The following PRDM6 variants were observed in gnomAD, a reference collection of about 807,000 sequenced individuals.
PRDM6 encodes the protein putative histone-lysine N-methyltransferase PRDM6.
Under a neutral mutation model 60.8 loss-of-function variants are expected in PRDM6, and 25 were observed. The ratio of observed to expected loss-of-function variants is 0.41; its 90% CI spans 0.30 to 0.57. The LOEUF is 0.57. Among genes scored for constraint, PRDM6 ranks in the 20% least tolerant of loss-of-function variants. PRDM6 has a pLI of 0.27. For missense variants in PRDM6, 839 were observed against 821.3 expected (o/e 1.02, Z -0.26); for synonymous variants, 407 against 357.4 (o/e 1.14, Z -1.57).
At chr5:123,094,031 A>G (rs1008456742) in intron 2 of PRDM6, among the ~76,000 whole-genome samples, 1 of 151,822 alleles carries the variant, frequency 6.6e-6, no homozygotes, top group Non-Finnish European at 1.5e-5. Context: ...GGCTGGAAAC[A>G]GCGCCGGTGT....
rs1237785538 is a variant in PRDM6 at position 123,099,752 on chromosome 5, G to T, written c.691G>T (p.Ala231Ser). ...RLVGTSSAAA[A>S]APPPELPEWL... ...TGTGGGCACCAGCAGCGCTGCGGCC[G>T]CCGCGCCCCCGCCGGAGCTGCCGGA... is the stretch of plus-strand genomic sequence containing the variant. Residue 231 changes from alanine (A) to serine (S), a missense_variant, in exon 3 of 8, where the codon GCC becomes TCC. Ala to Ser is a moderately conservative substitution (Grantham distance 99, BLOSUM62 1). Coordinates refer to ENST00000407847, the MANE Select transcript of PRDM6 (RefSeq NM_001136239.4). The surrounding 1 kb of genome is among the most constrained non-coding windows in gnomAD (Gnocchi z 4.0). 1.9e-6 allele frequency: 3 copies of T among 1,545,780 alleles called. No individual in the cohort carries two copies. The highest frequency in any genetic ancestry group is 2.7e-5 in the African/African-American group (2 of 72,840).
intron 5 of PRDM6, among the ~76,000 whole-genome samples, chr5:123,169,926 A>T (rs760960029): frequency 6.6e-6 from 1 of 152,146 alleles, no homozygotes; most frequent in Non-Finnish European, 1.5e-5. Context: ...AGTCACAAGC[A>T]CCACACTTGG....
intron 5 of PRDM6, among the ~76,000 whole-genome samples, chr5:123,170,318 A>C (rs1765856592): frequency 6.6e-6 from 1 of 152,164 alleles, no homozygotes; most frequent in Admixed American, 6.5e-5. Context: ...TGTGCTGCCA[A>C]GATCTGGAGG....
intron 5 of PRDM6, 74 bp downstream of exon 5, chr5:123,159,712 T>C (rs1765584853): frequency 2.1e-6 from 3 of 1,415,618 alleles, no homozygotes; most frequent in Non-Finnish European, 2.9e-6. Context: ...AGAGCTTTTT[T>C]TGAAACTCAT....
At chr5:123,120,307 C>G (rs1401232677) in intron 3 of PRDM6, among the ~76,000 whole-genome samples, 1 of 152,128 alleles carries the variant, frequency 6.6e-6, no homozygotes, top group Non-Finnish European at 1.5e-5. Flanking sequence ...GATGCAGTTA[C>G]CTGGTGTCAT....
chr5:123,101,795 A>G (rs1764109703), intron 3 of PRDM6, among the ~76,000 whole-genome samples: 1 of 152,250 alleles, frequency 6.6e-6, no homozygotes, highest in South Asian at 2.1e-4. Flanking sequence ...CATATAGACT[A>G]TAACAATGCA....
intron 3 of PRDM6, among the ~76,000 whole-genome samples, chr5:123,134,687 C>T (rs1233443168): frequency 2.6e-5 from 4 of 152,072 alleles, no homozygotes; most frequent in Admixed American, 6.5e-5. Flanking sequence ...TGTAAACAGA[C>T]ATAAAAATTA....
intron 5 of PRDM6, among the ~76,000 whole-genome samples, 153 bp from the exon 6 acceptor site, chr5:123,170,613 C>T (rs1202011374): frequency 6.6e-6 from 1 of 152,164 alleles, no homozygotes; most frequent in Admixed American, 6.5e-5. Context: ...ATAGTTTTTT[C>T]CCCTCAAATC....
rs909871608 is a variant in PRDM6, at chr5:123,187,928, C to G, written c.*727C>G. Reference sequence around the variant, plus strand: ...AGATTGCAAGAACATGTAAAATGTACGGAGCTTCATAATACGTTATATTGT... The same window carrying G: ...AGATTGCAAGAACATGTAAAATGTAGGGAGCTTCATAATACGTTATATTGT... On this transcript the variant is annotated 3_prime_UTR_variant, in exon 8 of 8. Coordinates refer to ENST00000407847, the MANE Select transcript of PRDM6 (RefSeq NM_001136239.4). 6.6e-6 allele frequency: 1 copy of G among 151,406 alleles called. No individual in the cohort carries two copies. Among genetic ancestry groups the G allele is most frequent in the African/African-American group, 2.4e-5 (1 of 41,118 alleles). 9.4% of individuals were successfully genotyped at this position (151,406 alleles called of 1,614,324 possible).
chr5:123,162,663 T>G (rs1236007810), intron 5 of PRDM6, among the ~76,000 whole-genome samples: 1 of 152,204 alleles, frequency 6.6e-6, no homozygotes, highest in African/African-American at 2.4e-5. Context: ...TTGACTAAAG[T>G]GCTCAACAGT....
chr5:123,106,620 G>T (rs1180351501), intron 3 of PRDM6, among the ~76,000 whole-genome samples: 3 of 152,152 alleles, frequency 2.0e-5, no homozygotes, highest in Admixed American at 6.5e-5. Context: ...TCTTCCAAAG[G>T]CTCAGCAGTG....
At chr5:123,169,141 T>C (rs1050325893) in intron 5 of PRDM6, among the ~76,000 whole-genome samples, 1 of 152,236 alleles carries the variant, frequency 6.6e-6, no homozygotes, top group Admixed American at 6.5e-5. Context: ...TTTTGGTCTC[T>C]AATTTCATTC....
intron 3 of PRDM6, among the ~76,000 whole-genome samples, chr5:123,133,384 A>C (rs1372202708): frequency 1.3e-5 from 2 of 152,032 alleles, no homozygotes; most frequent in East Asian, 3.9e-4. Context: ...GAATTGAGTT[A>C]GTGAAAGCTT....
At chr5:123,184,454 C>T (rs1170369034) in intron 7 of PRDM6, among the ~76,000 whole-genome samples, 2 of 152,182 alleles carry the variant, frequency 1.3e-5, no homozygotes, top group Non-Finnish European at 1.5e-5. Flanking sequence ...GGCATCAGCA[C>T]CTATGCTAAG....
At position 123,194,161 on chromosome 5, in the gene PRDM6, C is replaced by T. The variant is rs1437639973; in HGVS notation, c.*6960C>T. 1 of 152,042 alleles carries T rather than the reference C, an allele frequency of 6.6e-6. No homozygotes were observed. The highest frequency in any genetic ancestry group is 1.5e-5 in the Non-Finnish European group (1 of 67,990). 9.4% of individuals were successfully genotyped at this position (152,042 alleles called of 1,614,324 possible). A position where few individuals can be genotyped will look rare whatever the true frequency, so the allele number is the denominator to read the frequency against. Reference sequence around the variant, plus strand: ...TGCTGTATTCTTGTGATGGAATCTACCAGGATTAAGTTGTATTTAAATGAA... The same window carrying T: ...TGCTGTATTCTTGTGATGGAATCTATCAGGATTAAGTTGTATTTAAATGAA... On this transcript the variant is annotated 3_prime_UTR_variant, in exon 8 of 8. Coordinates refer to ENST00000407847, the MANE Select transcript of PRDM6 (RefSeq NM_001136239.4).
At chr5:123,137,847 C>T (rs559357043) in intron 3 of PRDM6, among the ~76,000 whole-genome samples, 1 of 152,172 alleles carries the variant, frequency 6.6e-6, no homozygotes, top group East Asian at 1.9e-4. Context: ...ATATACCTGG[C>T]ACATCAAACC....
chr5:123,133,715 T>C (rs977389775), intron 3 of PRDM6, among the ~76,000 whole-genome samples: 1 of 151,958 alleles, frequency 6.6e-6, no homozygotes, highest in African/African-American at 2.4e-5. Context: ...GGGTGGTGGC[T>C]ATTTAAAGAG....
At chr5:123,123,751 T>G (rs1764632025) in intron 3 of PRDM6, among the ~76,000 whole-genome samples, 1 of 152,190 alleles carries the variant, frequency 6.6e-6, no homozygotes, top group Non-Finnish European at 1.5e-5. Context: ...TTTAGGCCCA[T>G]TTGATACAAA....
At chr5:123,137,419 A>C (rs968157811) in intron 3 of PRDM6, among the ~76,000 whole-genome samples, 1 of 152,210 alleles carries the variant, frequency 6.6e-6, no homozygotes, top group Non-Finnish European at 1.5e-5. Flanking sequence ...TCTAGCACAC[A>C]TTGCTAGGGC....
Sources: allele counts gnomAD v4.1 joint callset (sites outside exome capture counted in the v4.1 genomes callset), GRCh38; gene constraint gnomAD v4.1.1; non-coding constraint Gnocchi (gnomAD v3.1); transcripts MANE v1.5; gene names NCBI Gene and HGNC (gene_info 2026-07-23, HGNC 2026-07-21).